ELAVL2: variants seen among roughly 807,000 people sequenced by gnomAD.
ELAVL2 encodes the protein ELAV like RNA binding protein 2.
ELAVL2 carries 4 observed loss-of-function variants against 34.6 expected under a neutral mutation model. The ratio of observed to expected loss-of-function variants is 0.12; its 90% CI spans 0.06 to 0.26. The LOEUF is 0.26. ELAVL2 is among the 10% of genes least tolerant of loss of function. The pLI, the probability that ELAVL2 is intolerant of heterozygous loss-of-function variation, is 1.00. For missense variants in ELAVL2, 432 were observed against 442.8 expected, an observed-to-expected ratio of 0.98 and a Z score of 0.22; for synonymous variants, 193 against 154.8, an observed-to-expected ratio of 1.25 and a Z score of -1.83.
intron 2 of ELAVL2, among the ~76,000 whole-genome samples, chr9:23,738,335 T>C (rs187799121): frequency 1.3e-5 from 2 of 152,336 alleles, no homozygotes; most frequent in African/African-American, 2.4e-5. Flanking sequence ...TCTCCTCAAA[T>C]GTAGCATGCC....
In ELAVL2 at chr9:23,731,409, G is replaced by T. The variant is rs534606071; in HGVS notation, c.230-284C>A. ...CTGCCTGAGCCAGAGTATACCATCA[G>T]CAAGACAAGGTCAGCTTCATAAACT... is the stretch of plus-strand genomic sequence containing the variant. On this transcript the variant is annotated intron_variant, in intron 2 of 6. Coordinates refer to ENST00000397312, the MANE Select transcript of ELAVL2 (RefSeq NM_004432.5). 5.6e-4 allele frequency among the ~76,000 whole-genome samples: 85 copies of T among 152,064 alleles called. 1 individual carries two copies. The South Asian group carries it at 0.016, about 29-fold the overall frequency.
chr9:23,773,267 T>C (rs1490732948), intron 1 of ELAVL2, among the ~76,000 whole-genome samples: 3 of 152,194 alleles, frequency 2.0e-5, no homozygotes, highest in Admixed American at 2.0e-4. Flanking sequence ...GTAAGGCCCT[T>C]CTTAGCCTCA....
In ELAVL2 at chr9:23,825,871, A is replaced by T. The variant is rs1378220932; in HGVS notation, c.-81T>A. On this transcript the variant is annotated 5_prime_UTR_variant, in exon 1 of 7. Coordinates refer to ENST00000397312, the MANE Select transcript of ELAVL2 (RefSeq NM_004432.5). The stretch of plus-strand genomic sequence containing the variant: ...TAACGGTGCAGTTCTCCCAATAAGG[A>T]TGAGCAAGAAGCTGCTGGATAGTTC... The T allele has an allele frequency of 1.3e-5, 2 of 152,212 alleles. No homozygotes were observed. The highest frequency in any genetic ancestry group is 2.9e-5 in the Non-Finnish European group (2 of 68,046). 9.4% of individuals were successfully genotyped at this position (152,212 alleles called of 1,614,324 possible).
chr9:23,834,038 C>T, the ELAVL2 span, among the ~76,000 whole-genome samples: 1 of 151,910 alleles, frequency 6.6e-6, no homozygotes, highest in Admixed American at 6.6e-5. Flanking sequence ...CAATTTGGTT[C>T]AGCATCCTTT....
At chr9:23,790,455 C>T (rs1393001528) in intron 1 of ELAVL2, among the ~76,000 whole-genome samples, 2 of 152,116 alleles carry the variant, frequency 1.3e-5, no homozygotes, top group East Asian at 1.9e-4. Context: ...ACAGGCATAT[C>T]GGCTGCTCTG....
At chr9:23,699,814 T>TTTTTTTG (rs2036536695) in intron 5 of ELAVL2, among the ~76,000 whole-genome samples, 1 of 19,338 alleles carries the variant, frequency 5.2e-5, no homozygotes, top group Non-Finnish European at 8.7e-5. Flanking sequence ...TGGCAAAGGT[T>TTTTTTTG]TTTTTTTTTT....
chr9:23,695,140 G>C (rs927196520), intron 5 of ELAVL2, among the ~76,000 whole-genome samples: 8 of 151,990 alleles, frequency 5.3e-5, no homozygotes, highest in African/African-American at 1.9e-4. Flanking sequence ...TCAAGAATAA[G>C]GATCACAACT....
chr9:23,826,405 A>G (rs1174408221), upstream of ELAVL2: 2 of 152,366 alleles, frequency 1.3e-5, no homozygotes, highest in African/African-American at 4.8e-5. Flanking sequence ...TCATCGCCCC[A>G]GGATCCTGAT....
chr9:23,825,458 A>T (rs2065240986), intron 1 of ELAVL2, among the ~76,000 whole-genome samples: 1 of 152,088 alleles, frequency 6.6e-6, no homozygotes, highest in South Asian at 2.1e-4. Flanking sequence ...AAGTAGAGGC[A>T]TGCATCCCCA....
At chr9:23,717,003 A>T (rs2042475774) in intron 3 of ELAVL2, among the ~76,000 whole-genome samples, 1 of 152,234 alleles carries the variant, frequency 6.6e-6, no homozygotes, top group Non-Finnish European at 1.5e-5. Context: ...TCAGACAGAA[A>T]TGTATGGAAG....
chr9:23,818,038 T>G (rs2063963930), intron 1 of ELAVL2, among the ~76,000 whole-genome samples: 1 of 152,188 alleles, frequency 6.6e-6, no homozygotes, highest in Non-Finnish European at 1.5e-5. Context: ...ACAATAAATG[T>G]TCTTCCCAAA....
At chr9:23,780,117 A>C (rs2058859123) in intron 1 of ELAVL2, among the ~76,000 whole-genome samples, 1 of 151,618 alleles carries the variant, frequency 6.6e-6, no homozygotes, top group Non-Finnish European at 1.5e-5. Context: ...CTATTCTACA[A>C]AACCTCACAC....
intron 3 of ELAVL2, among the ~76,000 whole-genome samples, chr9:23,720,391 T>C (rs2043370945): frequency 6.6e-6 from 1 of 151,928 alleles, no homozygotes; most frequent in African/African-American, 2.4e-5. Context: ...GCGGCCAAGC[T>C]GATCCTGAAC....
chr9:23,827,669 C>G (rs55863203), upstream of ELAVL2, among the ~76,000 whole-genome samples: 19,360 of 152,072 alleles, frequency 0.13, 1,552 homozygotes, highest in Middle Eastern at 0.19. Context: ...AAAGAAGACA[C>G]AGGTAAGAGT....
chr9:23,731,014 A>G lies in ELAVL2; in HGVS notation c.333+8T>C, dbSNP rs1182331777. 1.2e-6 allele frequency: 2 copies of G among 1,605,192 alleles called. No individual in the cohort carries two copies. Among genetic ancestry groups the G allele is most frequent in the Non-Finnish European group, 1.7e-6 (2 of 1,176,698 alleles). On this transcript the variant is annotated splice_region_variant and intron_variant, in intron 3 of 6. Transcript: ENST00000397312. ...CCGCAAGTAGATATAAAAAAACTTT[A>G]AACATACTTTTATTGTTTTGGTTTG...
intron 5 of ELAVL2, among the ~76,000 whole-genome samples, chr9:23,693,771 T>C (rs1273513813): frequency 6.6e-6 from 1 of 152,200 alleles, no homozygotes; most frequent in Non-Finnish European, 1.5e-5. Context: ...CTGGGATAGT[T>C]AACTTTAGGG....
chr9:23,721,278 C>T (rs1263660893), intron 3 of ELAVL2, among the ~76,000 whole-genome samples: 4 of 152,178 alleles, frequency 2.6e-5, no homozygotes, highest in African/African-American at 9.7e-5. Flanking sequence ...TTCAAAAAGG[C>T]CACTGTGCTT....
intron 1 of ELAVL2, among the ~76,000 whole-genome samples, chr9:23,805,470 ACAT>A (rs2062091531): frequency 6.6e-6 from 1 of 152,220 alleles, no homozygotes; most frequent in African/African-American, 2.4e-5. Flanking sequence ...TGCCCATTTA[ACAT>A]ACTGCAGCTT....
chr9:23,781,423 T>C (rs117823376), intron 1 of ELAVL2, among the ~76,000 whole-genome samples: 4,504 of 152,252 alleles, frequency 0.03, 86 homozygotes, highest in East Asian at 0.076. Flanking sequence ...AGATCAGGAA[T>C]TCTACAATAT....
Sources: gnomAD v4.1 joint callset for allele counts (sites outside exome capture counted in the v4.1 genomes callset) on GRCh38, gnomAD v4.1.1 for gene constraint, MANE v1.5 for transcripts, NCBI Gene and HGNC (gene_info 2026-07-23, HGNC 2026-07-21) for gene names.